The following LPP variants were observed in gnomAD, a reference collection of about 807,000 sequenced individuals.
The protein encoded by LPP is lipoma-preferred partner.
Under a neutral mutation model 60.4 loss-of-function variants are expected in LPP, and 38 were observed. The ratio of observed to expected loss-of-function variants is 0.63; its 90% CI spans 0.49 to 0.83. The LOEUF (loss-of-function observed/expected upper bound fraction) is 0.83, where lower values mean the gene tolerates loss of function less well. LPP is among the 40% of genes least tolerant of loss of function. LPP has a pLI of 0.00. For synonymous variants in LPP, 328 were observed against 290.8 expected, an observed-to-expected ratio of 1.13 and a Z score of -1.30; for missense variants, 902 against 783.6, an observed-to-expected ratio of 1.15 and a Z score of -1.80.
intron 2 of LPP, among the ~76,000 whole-genome samples, chr3:188,240,342 A>AGTGTGT (rs75173733): frequency 0.015 from 2,224 of 143,624 alleles, 49 homozygotes; most frequent in African/African-American, 0.052. Flanking sequence ...TTTGGGTAAG[A>AGTGTGT]GTGTGTGTGT....
intron 2 of LPP, among the ~76,000 whole-genome samples, chr3:188,234,259 C>T (rs965245743): frequency 2.0e-5 from 3 of 152,074 alleles, no homozygotes; most frequent in Non-Finnish European, 4.4e-5. Context: ...TAGTGAGACC[C>T]GGGCAGTCAG....
chr3:188,789,469 GT>G (rs2150998283), intron 9 of LPP, among the ~76,000 whole-genome samples: 1 of 152,312 alleles, frequency 6.6e-6, no homozygotes, highest in Non-Finnish European at 1.5e-5. Flanking sequence ...CTTTATGACA[GT>G]AAGCACTTAC....
At chr3:188,224,788 G>A (rs1253116740) in intron 1 of LPP, among the ~76,000 whole-genome samples, 3 of 152,102 alleles carry the variant, frequency 2.0e-5, no homozygotes, top group African/African-American at 7.2e-5. Context: ...TGATCGTGAG[G>A]ACAGCACCAA....
chr3:188,568,497 A>C (rs1832739065), intron 6 of LPP: 1 of 151,970 alleles, frequency 6.6e-6, no homozygotes, highest in South Asian at 2.1e-4. Context: ...GACAATAGTT[A>C]TACAAAACTG....
chr3:188,811,566 C>A (rs1751000337), intron 9 of LPP, among the ~76,000 whole-genome samples: 1 of 151,986 alleles, frequency 6.6e-6, no homozygotes, highest in Non-Finnish European at 1.5e-5. Context: ...TGTTTTATAG[C>A]AATTACTGGG....
intron 9 of LPP, among the ~76,000 whole-genome samples, chr3:188,808,561 G>A (rs373073941): frequency 4.7e-4 from 71 of 152,118 alleles, no homozygotes; most frequent in Middle Eastern, 3.2e-3. Flanking sequence ...GGGACAATCC[G>A]GGAGAAGTAT....
rs138755000 is a variant in LPP, at chr3:188,722,934, T to C, written c.1240+14541T>C. ...TTCCTCTAAATTGTTAACGTCAGTG[T>C]TTATCTCTATTTGAATTAACACTTT... On this transcript the variant is annotated intron_variant, in intron 8 of 11. Transcript: ENST00000617246. Among the ~76,000 whole-genome samples, 636 of 152,348 alleles carry C rather than the reference T, an allele frequency of 4.2e-3. 4 individuals are homozygous for C. Among genetic ancestry groups the C allele is most frequent in the African/African-American group, 0.014 (590 of 41,574 alleles).
chr3:188,685,742 C>T (rs114970809), intron 7 of LPP, among the ~76,000 whole-genome samples: 13 of 152,238 alleles, frequency 8.5e-5, no homozygotes, highest in Non-Finnish European at 1.6e-4. Context: ...AAGGAAACTT[C>T]CCAAATTCAA....
intron 7 of LPP, among the ~76,000 whole-genome samples, chr3:188,706,085 G>T (rs1465844680): frequency 6.6e-6 from 1 of 152,146 alleles, no homozygotes; most frequent in Non-Finnish European, 1.5e-5. Flanking sequence ...ATAAACAAAA[G>T]AATAACTGAA....
At chr3:188,490,895 CA>C (rs1808164019) in intron 5 of LPP, among the ~76,000 whole-genome samples, 1 of 151,718 alleles carries the variant, frequency 6.6e-6, no homozygotes, top group Non-Finnish European at 1.5e-5. Context: ...GCTGGGACCA[CA>C]GGCACCCACC....
intron 2 of LPP, among the ~76,000 whole-genome samples, chr3:188,315,990 C>T (rs371363776): frequency 4.6e-5 from 7 of 152,138 alleles, no homozygotes; most frequent in Admixed American, 6.5e-5. Context: ...AAAGATTAGC[C>T]TGTCTGGGCG....
chr3:188,857,047 G>T (rs900209942), intron 9 of LPP, among the ~76,000 whole-genome samples: 1 of 152,140 alleles, frequency 6.6e-6, no homozygotes, highest in Admixed American at 6.5e-5. Flanking sequence ...ACCTAGTGTG[G>T]GGTTGGGAGA....
chr3:188,723,848 A>T (rs1221665077), intron 8 of LPP, among the ~76,000 whole-genome samples: 1 of 151,896 alleles, frequency 6.6e-6, no homozygotes, highest in Non-Finnish European at 1.5e-5. Flanking sequence ...TATTTTCCTC[A>T]TGTGTGTTTA....
intron 9 of LPP, among the ~76,000 whole-genome samples, chr3:188,791,836 T>C (rs983883750): frequency 6.6e-6 from 1 of 152,152 alleles, no homozygotes; most frequent in Non-Finnish European, 1.5e-5. Flanking sequence ...GTTATTTTTT[T>C]AGTATAGATT....
intron 5 of LPP, among the ~76,000 whole-genome samples, chr3:188,508,988 A>G (rs1033264189): frequency 6.6e-6 from 1 of 152,184 alleles, no homozygotes; most frequent in Non-Finnish European, 1.5e-5. Context: ...TAGATTTGGT[A>G]AATCTAGGAG....
At chr3:188,594,498 C>T (rs1580250004) in intron 6 of LPP, among the ~76,000 whole-genome samples, 1 of 152,142 alleles carries the variant, frequency 6.6e-6, no homozygotes. Flanking sequence ...CTGCCTGTTT[C>T]TCTGTCTATA....
At chr3:188,733,397 G>T (rs1721360116) in intron 8 of LPP, among the ~76,000 whole-genome samples, 1 of 151,918 alleles carries the variant, frequency 6.6e-6, no homozygotes, top group Admixed American at 6.6e-5. Flanking sequence ...GAAGAATTCT[G>T]CAATACCCCT....
At chr3:188,456,655 G>T (rs1797804922) in intron 4 of LPP, among the ~76,000 whole-genome samples, 1 of 152,162 alleles carries the variant, frequency 6.6e-6, no homozygotes, top group South Asian at 2.1e-4. Context: ...TGCCACTGAT[G>T]GCAGAGTCAA....
At chr3:188,630,456 C>A (rs1345702711) in intron 7 of LPP, among the ~76,000 whole-genome samples, 1 of 152,068 alleles carries the variant, frequency 6.6e-6, no homozygotes, top group Non-Finnish European at 1.5e-5. Context: ...ATTAAAAAGT[C>A]AAAATTAATA....
Sources: allele counts gnomAD v4.1 joint callset (sites outside exome capture counted in the v4.1 genomes callset), GRCh38; gene constraint gnomAD v4.1.1; transcripts MANE v1.5; gene names NCBI Gene and HGNC (gene_info 2026-07-23, HGNC 2026-07-21).